Variants in VEPH1 observed in about 807,000 individuals in gnomAD.
VEPH1 encodes the protein ventricular zone-expressed PH domain-containing protein homolog 1.
A neutral mutation model predicts 85.2 loss-of-function variants in VEPH1; 80 were observed. The observed-to-expected ratio is 0.94, with a 90% CI of 0.78 to 1.13. VEPH1 has a LOEUF of 1.13. Among genes scored for constraint, VEPH1 ranks in the 50% most tolerant of loss-of-function variants. The pLI is 0.00. For missense variants in VEPH1, 955 were observed against 980.5 expected, an observed-to-expected ratio of 0.97 and a Z score of 0.35; for synonymous variants, 297 against 348.0, an observed-to-expected ratio of 0.85 and a Z score of 1.63.
At chr3:157,441,633 C>A (rs1254703780) in intron 4 of VEPH1, among the ~76,000 whole-genome samples, 4 of 151,772 alleles carry the variant, frequency 2.6e-5, no homozygotes, top group Non-Finnish European at 5.9e-5. Context: ...CATGGTGAAA[C>A]CCCGTGTCTA....
At chr3:157,457,650 T>C (rs928781007) in intron 4 of VEPH1, among the ~76,000 whole-genome samples, 1 of 152,204 alleles carries the variant, frequency 6.6e-6, no homozygotes, top group South Asian at 2.1e-4. Flanking sequence ...TTTAGTTGTG[T>C]TTATGTGATG....
At chr3:157,279,813 T>A (rs1481527579) in intron 12 of VEPH1, among the ~76,000 whole-genome samples, 1 of 151,928 alleles carries the variant, frequency 6.6e-6, no homozygotes, top group East Asian at 1.9e-4. Flanking sequence ...GTCAAGAGAT[T>A]GAGATCATCC....
rs191014715 is a variant in VEPH1, at chr3:157,292,860, G to A, written c.2011-6186C>T. Among the ~76,000 whole-genome samples the A allele has an allele frequency of 1.4e-5, 2 of 146,908 alleles. 1 individual carries two copies. The highest frequency in any genetic ancestry group is 4.0e-4 in the East Asian group (2 of 4,992). On this transcript the variant is annotated intron_variant, in intron 11 of 13. Coordinates refer to ENST00000362010, the MANE Select transcript of VEPH1 (RefSeq NM_001167912.2). ...TAGCCAGGCACGGTGGCAAGTGCCT[G>A]TAATGCCAGCTACTTGGGAGGCTGA...
At chr3:157,491,500 C>A (rs778237168) in intron 2 of VEPH1, among the ~76,000 whole-genome samples, 39 of 152,170 alleles carry the variant, frequency 2.6e-4, no homozygotes, top group Non-Finnish European at 5.3e-4. Context: ...GTCACATTTT[C>A]AAAGTGAAAC....
chr3:157,442,194 T>C (rs1462772573), intron 4 of VEPH1, among the ~76,000 whole-genome samples: 1 of 152,210 alleles, frequency 6.6e-6, no homozygotes, highest in Non-Finnish European at 1.5e-5. Context: ...CTTTTTCTCA[T>C]TTTCTTTGCT....
chr3:157,363,258 T>C (rs1726254676), intron 9 of VEPH1, 106 bp downstream of exon 9: 1 of 1,156,060 alleles, frequency 8.7e-7, no homozygotes, highest in Non-Finnish European at 1.2e-6. Flanking sequence ...TGATCTATTT[T>C]GCAAAAGATC....
At chr3:157,465,063 C>T (rs1736235302) in intron 3 of VEPH1, among the ~76,000 whole-genome samples, 1 of 152,172 alleles carries the variant, frequency 6.6e-6, no homozygotes, top group Non-Finnish European at 1.5e-5. Context: ...TGGGAGTGTA[C>T]ATCCCAGTCC....
At chr3:157,384,093 A>G (rs564078815) in intron 6 of VEPH1, among the ~76,000 whole-genome samples, 11 of 152,320 alleles carry the variant, frequency 7.2e-5, no homozygotes, top group African/African-American at 2.4e-4. Context: ...TGCCACAATA[A>G]TGAGGCAGAC....
chr3:157,369,185 A>AAAAAAAAACAAAAAAC (rs1553773063), intron 7 of VEPH1, among the ~76,000 whole-genome samples: 72 of 140,294 alleles, frequency 5.1e-4, no homozygotes, highest in African/African-American at 1.8e-3. Flanking sequence ...CAAATGAAAA[A>AAAAAAAAACAAAAAAC]AAAAAAAAAA....
chr3:157,443,038 G>C, intron 4 of VEPH1: 1 of 1,532,490 alleles, frequency 6.5e-7, no homozygotes, highest in Non-Finnish European at 8.7e-7. Flanking sequence ...ACACATGCCA[G>C]TTGGGAAGGT....
chr3:157,468,524 G>A (rs1036754358), intron 3 of VEPH1, among the ~76,000 whole-genome samples: 1 of 152,058 alleles, frequency 6.6e-6, no homozygotes, highest in African/African-American at 2.4e-5. Context: ...GCAGTGAGCC[G>A]AGATCACGCC....
intron 9 of VEPH1, among the ~76,000 whole-genome samples, chr3:157,323,400 G>A (rs1721564353): frequency 6.6e-6 from 1 of 152,178 alleles, no homozygotes; most frequent in Non-Finnish European, 1.5e-5. Flanking sequence ...GACCTGCACT[G>A]AAGGAAAAAC....
chr3:157,391,380 C>T (rs1490178016), intron 6 of VEPH1, among the ~76,000 whole-genome samples: 1 of 152,196 alleles, frequency 6.6e-6, no homozygotes, highest in Non-Finnish European at 1.5e-5. Flanking sequence ...CAGTTTGTTT[C>T]TTTCAAGCCC....
At chr3:157,369,179 T>TAAAAAA (rs1560000948) in intron 7 of VEPH1, among the ~76,000 whole-genome samples, 9 of 15,052 alleles carry the variant, frequency 6.0e-4, no homozygotes, top group African/African-American at 1.6e-3. Flanking sequence ...AAAAACCAAA[T>TAAAAAA]GAAAAAAAAA....
chr3:157,311,787 T>A (rs1720142507), intron 11 of VEPH1, among the ~76,000 whole-genome samples: 2 of 152,166 alleles, frequency 1.3e-5, no homozygotes, highest in Non-Finnish European at 2.9e-5. Flanking sequence ...CAGTTAGCAA[T>A]AAAAAATTTA....
chr3:157,405,642 C>T (rs1480070656), intron 6 of VEPH1, among the ~76,000 whole-genome samples: 2 of 152,144 alleles, frequency 1.3e-5, no homozygotes, highest in African/African-American at 2.4e-5. Flanking sequence ...CCACTGAATG[C>T]GGTGACTTCC....
intron 4 of VEPH1, chr3:157,459,765 T>C: frequency 6.9e-7 from 1 of 1,452,186 alleles, no homozygotes. Context: ...CATTTTCTGA[T>C]GTATTTTATC....
chr3:157,295,279 A>G (rs1174462430), intron 11 of VEPH1, among the ~76,000 whole-genome samples: 4 of 152,108 alleles, frequency 2.6e-5, no homozygotes, highest in Admixed American at 1.3e-4. Context: ...CATTATTCAT[A>G]TCCTCAATTT....
At chr3:157,441,468 A>T (rs924189528) in intron 4 of VEPH1, among the ~76,000 whole-genome samples, 4 of 152,142 alleles carry the variant, frequency 2.6e-5, no homozygotes, top group Non-Finnish European at 5.9e-5. Context: ...TAGTTTTCTA[A>T]AAACTCTGCA....
Sources: gnomAD v4.1 joint callset for allele counts (sites outside exome capture counted in the v4.1 genomes callset) on GRCh38, gnomAD v4.1.1 for gene constraint, MANE v1.5 for transcripts, NCBI Gene and HGNC (gene_info 2026-07-23, HGNC 2026-07-21) for gene names.